The following ITGB8 variants were observed in gnomAD, a reference collection of about 807,000 sequenced individuals.
ITGB8 encodes the protein integrin subunit beta 8.
In ITGB8, 30 loss-of-function variants were observed where a neutral mutation model predicts 89.5. The observed-to-expected ratio is 0.34, with a 90% CI of 0.25 to 0.45. The LOEUF (loss-of-function observed/expected upper bound fraction) is 0.45, where lower values mean the gene tolerates loss of function less well. Ranked by LOEUF, ITGB8 falls within the 20% of genes least tolerant of loss-of-function variation. The pLI is 1.00. For synonymous variants in ITGB8, 335 were observed against 320.4 expected (o/e 1.05, Z -0.49); for missense variants, 836 against 933.3 (o/e 0.90, Z 1.36).
At chr7:20,334,221 C>G (rs1456881482) in intron 1 of ITGB8, among the ~76,000 whole-genome samples, 1 of 152,118 alleles carries the variant, frequency 6.6e-6, no homozygotes, top group Non-Finnish European at 1.5e-5. Context: ...TTTTAACTGT[C>G]TCTGGTGAAG....
chr7:20,404,140 T>G (rs1040307332), intron 10 of ITGB8, among the ~76,000 whole-genome samples: 1 of 152,192 alleles, frequency 6.6e-6, no homozygotes, highest in African/African-American at 2.4e-5. Flanking sequence ...AACATGGCAC[T>G]AGCAGTACTG....
chr7:20,407,580 T>G (rs76004623), intron 12 of ITGB8, among the ~76,000 whole-genome samples: 1,892 of 152,296 alleles, frequency 0.012, 38 homozygotes, highest in African/African-American at 0.042. Flanking sequence ...GAGTTTTGTT[T>G]CCTTTTTCCC....
rs1397450997 is a variant in ITGB8 at position 20,414,952 on chromosome 7, C to T, written c.*4955C>T. 6.6e-6 allele frequency: 1 copy of T among 151,530 alleles called. No individual in the cohort carries two copies. Among genetic ancestry groups the T allele is most frequent in the Admixed American group, 6.6e-5 (1 of 15,066 alleles). The allele number at this position is 151,530 out of a possible 1,614,324, so 9.4% of individuals were successfully genotyped here. ...TTAATCAGGTTTCTAGCCTCTACAA[C>T]CTACTTCAGTTAAAATTGTCTAATA... On this transcript the variant is annotated 3_prime_UTR_variant, in exon 14 of 14. Transcript: ENST00000222573.
chr7:20,335,611 T>G (rs906315907), intron 1 of ITGB8, among the ~76,000 whole-genome samples: 1 of 152,224 alleles, frequency 6.6e-6, no homozygotes, highest in Non-Finnish European at 1.5e-5. Flanking sequence ...CTCCTATTTT[T>G]TCTCTCCTTT....
intron 1 of ITGB8, among the ~76,000 whole-genome samples, chr7:20,343,398 G>A (rs1784825899): frequency 6.6e-6 from 1 of 152,144 alleles, no homozygotes; most frequent in Non-Finnish European, 1.5e-5. Flanking sequence ...TCCCCCTTGA[G>A]GTGACATCGT....
At position 20,402,144 on chromosome 7, in the gene ITGB8, C is replaced by T; in HGVS notation, c.1687+18C>T. 3 of 1,570,376 alleles carry T rather than the reference C, an allele frequency of 1.9e-6. No homozygotes were observed. Among genetic ancestry groups the T allele is most frequent in the Non-Finnish European group, 2.6e-6 (3 of 1,159,118 alleles). On this transcript the variant is annotated intron_variant, in intron 10 of 13. Coordinates refer to ENST00000222573, the MANE Select transcript of ITGB8 (RefSeq NM_002214.3). ...GTGTGCTGGTGAGTATAAATATATA[C>T]AGGCAGCTTTTACTTGTCACTATTA...
intron 6 of ITGB8, among the ~76,000 whole-genome samples, chr7:20,382,751 T>A (rs1304415943): frequency 1.3e-5 from 2 of 152,182 alleles, no homozygotes; most frequent in Non-Finnish European, 2.9e-5. Flanking sequence ...TCCTTAAAAA[T>A]AATACAAATG....
chr7:20,363,283 G>T (rs1562668334), intron 1 of ITGB8, among the ~76,000 whole-genome samples: 3 of 152,126 alleles, frequency 2.0e-5, no homozygotes, highest in Non-Finnish European at 4.4e-5. Context: ...CAGAGAATAG[G>T]AAATACAGTG....
In ITGB8 at chr7:20,402,145, A is replaced by G. The variant is rs968856734; in HGVS notation, c.1687+19A>G. 3 of 1,570,214 alleles carry G rather than the reference A, an allele frequency of 1.9e-6. No homozygotes were observed. The Admixed American group carries it at 5.6e-5, about 29-fold the overall frequency. On this transcript the variant is annotated intron_variant, in intron 10 of 13. Transcript: ENST00000222573. ...TGTGCTGGTGAGTATAAATATATAC[A>G]GGCAGCTTTTACTTGTCACTATTAC...
intron 4 of ITGB8, chr7:20,380,432 AT>A (rs1404668598): frequency 2.2e-6 from 1 of 447,332 alleles, no homozygotes; most frequent in Non-Finnish European, 4.0e-6. Flanking sequence ...ATGTTTAATC[AT>A]CTTTATTTTT....
At chr7:20,398,723 T>A in intron 8 of ITGB8, 137 bp from the exon 9 acceptor site, 1 of 510,430 alleles carries the variant, frequency 2.0e-6, no homozygotes. Flanking sequence ...AACACTGTTT[T>A]TATTCATCCT....
At chr7:20,358,360 G>C (rs1344286220) in intron 1 of ITGB8, among the ~76,000 whole-genome samples, 1 of 152,030 alleles carries the variant, frequency 6.6e-6, no homozygotes. Flanking sequence ...TAAAGCACTA[G>C]GCCCCAAACC....
At chr7:20,372,638 G>T (rs970977430) in intron 3 of ITGB8, among the ~76,000 whole-genome samples, 3 of 152,128 alleles carry the variant, frequency 2.0e-5, no homozygotes, top group Non-Finnish European at 4.4e-5. Flanking sequence ...TGAACGCAGT[G>T]GGGAAGAGAT....
intron 7 of ITGB8, 42 bp downstream of exon 7, chr7:20,391,540 T>G (rs1786857188): frequency 4.7e-6 from 5 of 1,065,840 alleles, no homozygotes; most frequent in Non-Finnish European, 6.9e-6. Flanking sequence ...TTTTTTTCAT[T>G]GGTAATTGAA....
At chr7:20,378,009 T>G (rs1444770701) in intron 3 of ITGB8, among the ~76,000 whole-genome samples, 1 of 152,230 alleles carries the variant, frequency 6.6e-6, no homozygotes, top group Non-Finnish European at 1.5e-5. Context: ...CCATTCGGAA[T>G]ATTCTTATGG....
Position 20,409,879 on chromosome 7 carries a change from AGT to A in ITGB8, c.2193_2194del (p.Lys731AsnfsTer16). On this transcript the variant is annotated frameshift_variant, in exon 14 of 14. Coordinates refer to ENST00000222573, the MANE Select transcript of ITGB8 (RefSeq NM_002214.3). LOFTEE classifies it high-confidence loss of function. ...TAATATTTCTTCTCTATTAAGGATA[AGT>A]TGATTCTGCAAAGTGTTTGCACAAG... The A allele has an allele frequency of 6.2e-7, 1 of 1,613,360 alleles. No individual in the cohort carries two copies. Among genetic ancestry groups the A allele is most frequent in the South Asian group, 1.1e-5 (1 of 90,772 alleles).
chr7:20,358,681 G>A (rs1486754317), intron 1 of ITGB8, among the ~76,000 whole-genome samples: 1 of 152,108 alleles, frequency 6.6e-6, no homozygotes, highest in Non-Finnish European at 1.5e-5. Context: ...GGGATTACAG[G>A]CATGAGCCAC....
intron 10 of ITGB8, among the ~76,000 whole-genome samples, chr7:20,402,615 G>A (rs1787361427): frequency 6.6e-6 from 1 of 152,068 alleles, no homozygotes; most frequent in African/African-American, 2.4e-5. Flanking sequence ...GGTATTCTAA[G>A]CTGGCAGTAA....
chr7:20,369,951 C>T (rs1001998194), intron 3 of ITGB8, among the ~76,000 whole-genome samples: 36 of 151,560 alleles, frequency 2.4e-4, no homozygotes, highest in African/African-American at 8.0e-4. Context: ...GATGTTGTTA[C>T]AAAAATTCAC....
Sources: gnomAD v4.1 joint callset for allele counts (sites outside exome capture counted in the v4.1 genomes callset) on GRCh38, gnomAD v4.1.1 for gene constraint, MANE v1.5 for transcripts, NCBI Gene and HGNC (gene_info 2026-07-23, HGNC 2026-07-21) for gene names.